Variants in NBAS observed in about 807,000 individuals in gnomAD.
The protein encoded by NBAS is NBAS subunit of NRZ tethering complex, also known as NAG/BC035112 fusion.
NBAS carries 219 observed loss-of-function variants against 302.5 expected under a neutral mutation model. The observed-to-expected ratio is 0.72, with a 90% confidence interval of 0.65 to 0.81. The LOEUF (loss-of-function observed/expected upper bound fraction) is 0.81. NBAS is among the 30% of genes least tolerant of loss of function. The pLI is 0.00. For missense variants in NBAS, 2,932 were observed against 2,841.6 expected (o/e 1.03, Z -0.72); for synonymous variants, 1,118 against 1,021.6 (o/e 1.09, Z -1.80).
chr2:14,780,490 C>T, the NBAS span, among the ~76,000 whole-genome samples: 1 of 152,182 alleles, frequency 6.6e-6, no homozygotes, highest in Non-Finnish European at 1.5e-5. Context: ...GATGGCACTG[C>T]CAGATGCAAA....
chr2:15,551,586 G>A (rs1267096340), intron 5 of NBAS, 50 bp from the exon 6 acceptor site: 2 of 1,422,582 alleles, frequency 1.4e-6, no homozygotes, highest in East Asian at 2.3e-5. Context: ...ACACTGTATA[G>A]AACCATAAAA....
chr2:14,954,444 C>T, the NBAS span, among the ~76,000 whole-genome samples: 1 of 152,168 alleles, frequency 6.6e-6, no homozygotes, highest in African/African-American at 2.4e-5. Flanking sequence ...CACCTGTTTG[C>T]TGCAGTCTCT....
At chr2:15,274,733 T>C (rs774358977) in intron 44 of NBAS, among the ~76,000 whole-genome samples, 3 of 152,108 alleles carry the variant, frequency 2.0e-5, no homozygotes, top group Admixed American at 6.5e-5. Flanking sequence ...CCAAGATATA[T>C]ACTGCATGAT....
chr2:15,058,463 G>A, the NBAS span, among the ~76,000 whole-genome samples: 7 of 152,174 alleles, frequency 4.6e-5, no homozygotes, highest in African/African-American at 1.7e-4. Flanking sequence ...CTGCTGCTTT[G>A]AATCAAAAAG....
chr2:15,370,068 A>C (rs1674410923), intron 31 of NBAS, among the ~76,000 whole-genome samples: 1 of 152,198 alleles, frequency 6.6e-6, no homozygotes, highest in Non-Finnish European at 1.5e-5. Context: ...CAGTAGGAGG[A>C]CAAGTAAGAG....
chr2:15,271,785 C>A (rs1669336488), intron 44 of NBAS, among the ~76,000 whole-genome samples: 1 of 152,222 alleles, frequency 6.6e-6, no homozygotes, highest in South Asian at 2.1e-4. Flanking sequence ...ACCTGCCTTT[C>A]AGCCTCTTTT....
At chr2:15,487,828 A>G (rs530300111) in intron 12 of NBAS, among the ~76,000 whole-genome samples, 56 of 152,354 alleles carry the variant, frequency 3.7e-4, no homozygotes, top group African/African-American at 1.3e-3. Context: ...TCTGCCACTG[A>G]GGACAAATCT....
intron 48 of NBAS, among the ~76,000 whole-genome samples, chr2:15,217,893 C>T (rs1030242082): frequency 4.6e-5 from 7 of 152,134 alleles, no homozygotes; most frequent in African/African-American, 1.4e-4. Context: ...TAATTAATAA[C>T]GATAATAATT....
the NBAS span, among the ~76,000 whole-genome samples, chr2:15,138,246 A>T: frequency 1.3e-5 from 2 of 152,148 alleles, no homozygotes; most frequent in Non-Finnish European, 2.9e-5. Flanking sequence ...TGTAGGGGAG[A>T]AAAAAGCCCA....
At chr2:15,050,912 T>A in the NBAS span, among the ~76,000 whole-genome samples, 2,074 of 152,010 alleles carry the variant, frequency 0.014, 42 homozygotes, top group African/African-American at 0.047. Flanking sequence ...ATGATAGAAA[T>A]GCAAGGAAAG....
At chr2:15,140,349 G>T in the NBAS span, among the ~76,000 whole-genome samples, 1 of 152,236 alleles carries the variant, frequency 6.6e-6, no homozygotes, top group East Asian at 1.9e-4. Context: ...GACCCACAGG[G>T]TCTGTGAGCA....
the NBAS span, among the ~76,000 whole-genome samples, chr2:15,021,033 A>G: frequency 6.6e-6 from 1 of 152,166 alleles, no homozygotes; most frequent in African/African-American, 2.4e-5. Context: ...GGAGTTCGAG[A>G]TCAGCCTGAC....
the NBAS span, among the ~76,000 whole-genome samples, chr2:14,982,140 A>G: frequency 6.6e-6 from 1 of 152,168 alleles, no homozygotes; most frequent in Non-Finnish European, 1.5e-5. Flanking sequence ...GAAAAGTCCA[A>G]GCCACATGGA....
At chr2:15,058,343 A>G in the NBAS span, among the ~76,000 whole-genome samples, 1 of 152,186 alleles carries the variant, frequency 6.6e-6, no homozygotes, top group South Asian at 2.1e-4. Flanking sequence ...AATGCCCAGG[A>G]CAGCCCCCAC....
At chr2:15,396,795 T>G (rs757069894) in intron 26 of NBAS, among the ~76,000 whole-genome samples, 1 of 152,196 alleles carries the variant, frequency 6.6e-6, no homozygotes, top group South Asian at 2.1e-4. Flanking sequence ...AAAATCACTC[T>G]TTACTACTGT....
the NBAS span, among the ~76,000 whole-genome samples, chr2:15,040,815 G>C: frequency 6.6e-6 from 1 of 152,184 alleles, no homozygotes; most frequent in African/African-American, 2.4e-5. Context: ...TTGTCCCTAA[G>C]TCATTCCGTG....
chr2:15,427,337 T>G (rs1435601079), intron 22 of NBAS, among the ~76,000 whole-genome samples: 4 of 152,052 alleles, frequency 2.6e-5, no homozygotes, highest in African/African-American at 9.7e-5. Flanking sequence ...CTACACATTC[T>G]GAGGCTTCCC....
intron 48 of NBAS, among the ~76,000 whole-genome samples, chr2:15,216,724 T>C (rs997387228): frequency 6.6e-6 from 1 of 152,170 alleles, no homozygotes; most frequent in Non-Finnish European, 1.5e-5. Context: ...AATATTGAAG[T>C]GTATGTTCCT....
the NBAS span, among the ~76,000 whole-genome samples, chr2:15,103,051 G>A: frequency 1.2e-4 from 17 of 144,284 alleles, no homozygotes; most frequent in Non-Finnish European, 2.0e-4. Flanking sequence ...AGGGAGGGAG[G>A]GAGGGAAGGA....
Sources: allele counts gnomAD v4.1 joint callset (sites outside exome capture counted in the v4.1 genomes callset), GRCh38; gene constraint gnomAD v4.1.1; transcripts MANE v1.5; gene names NCBI Gene and HGNC (gene_info 2026-07-23, HGNC 2026-07-21).